Variants in ADGRL3 observed in about 807,000 individuals in gnomAD.
ADGRL3 encodes the protein adhesion G protein-coupled receptor L3.
ADGRL3 carries 62 observed loss-of-function variants against 153.5 expected under a neutral mutation model. The ratio of observed to expected loss-of-function variants is 0.40; its 90% confidence interval spans 0.33 to 0.50. The LOEUF is 0.50. ADGRL3 is among the 20% of genes least tolerant of loss of function. The pLI, the probability that ADGRL3 is intolerant of heterozygous loss-of-function variation, is 0.47. For synonymous variants in ADGRL3, 710 were observed against 672.5 expected (o/e 1.06, Z -0.86); for missense variants, 1,641 against 1,859.4 (o/e 0.88, Z 2.16).
At chr4:62,068,412 T>C (rs1744127320) in intron 26 of ADGRL3, among the ~76,000 whole-genome samples, 1 of 152,218 alleles carries the variant, frequency 6.6e-6, no homozygotes, top group South Asian at 2.1e-4. Flanking sequence ...TTTCATGTAA[T>C]GTTTGTGTGA....
chr4:61,822,028 C>A (rs541017060), intron 9 of ADGRL3, among the ~76,000 whole-genome samples: 2 of 152,266 alleles, frequency 1.3e-5, no homozygotes, highest in South Asian at 4.1e-4. Flanking sequence ...GAAGAGTCTG[C>A]AGGCCAGTTC....
chr4:61,203,269 G>C (rs984494436), intron 1 of ADGRL3, among the ~76,000 whole-genome samples: 1 of 152,184 alleles, frequency 6.6e-6, no homozygotes, highest in Non-Finnish European at 1.5e-5. Flanking sequence ...GGGAGAACTC[G>C]AGGCTTGCGA....
intron 9 of ADGRL3, among the ~76,000 whole-genome samples, chr4:61,867,324 C>G (rs746835152): frequency 4.0e-5 from 6 of 150,870 alleles, no homozygotes; most frequent in Non-Finnish European, 7.4e-5. Context: ...CATGGGGAAA[C>G]CCTGTCTCTA....
Position 61,894,840 on chromosome 4 carries a change from A to G in ADGRL3, c.1784-891A>G, listed in dbSNP as rs150653608. Among the ~76,000 whole-genome samples the G allele has an allele frequency of 1.2e-3, 178 of 152,278 alleles. 1 individual carries two copies. Among genetic ancestry groups the G allele is most frequent in the Non-Finnish European group, 1.9e-3 (131 of 68,028 alleles). On this transcript the variant is annotated intron_variant, in intron 10 of 26. Coordinates refer to ENST00000683033, the MANE Select transcript of ADGRL3 (RefSeq NM_001387552.1). ...ATGTTTCTGCCAGAGATATCATTCC[A>G]AAACTCAAATTTGCTCATCATCTAT...
chr4:61,276,970 A>G (rs1391021417), intron 1 of ADGRL3, among the ~76,000 whole-genome samples: 2 of 152,146 alleles, frequency 1.3e-5, no homozygotes, highest in African/African-American at 4.8e-5. Context: ...AGTCCTGTAC[A>G]AGCTTAAATT....
At chr4:61,886,345 T>G (rs1249699763) in intron 9 of ADGRL3, among the ~76,000 whole-genome samples, 1 of 152,194 alleles carries the variant, frequency 6.6e-6, no homozygotes, top group African/African-American at 2.4e-5. Flanking sequence ...TTCAGTTTTC[T>G]TATTTCCTTT....
chr4:61,528,404 C>T (rs2098588298), intron 4 of ADGRL3, among the ~76,000 whole-genome samples: 1 of 152,070 alleles, frequency 6.6e-6, no homozygotes, highest in African/African-American at 2.4e-5. Context: ...TCTCCTTGGA[C>T]TCTGTTTAAG....
chr4:61,382,916 A>T (rs2096687840), intron 1 of ADGRL3, among the ~76,000 whole-genome samples: 1 of 151,862 alleles, frequency 6.6e-6, no homozygotes, highest in Non-Finnish European at 1.5e-5. Flanking sequence ...AAACATTATA[A>T]TAAATTAGAT....
At chr4:61,902,053 A>G (rs1323234375) in intron 11 of ADGRL3, among the ~76,000 whole-genome samples, 1 of 152,212 alleles carries the variant, frequency 6.6e-6, no homozygotes, top group Non-Finnish European at 1.5e-5. Flanking sequence ...GTATATTTTT[A>G]TATGGAAATA....
At chr4:61,641,751 G>A (rs1020108813) in intron 5 of ADGRL3, among the ~76,000 whole-genome samples, 1 of 151,376 alleles carries the variant, frequency 6.6e-6, no homozygotes. Flanking sequence ...AAACATACGT[G>A]TGCATGTGTC....
intron 1 of ADGRL3, among the ~76,000 whole-genome samples, chr4:61,258,485 C>G (rs28562321): frequency 0.032 from 4,818 of 152,266 alleles, 260 homozygotes; most frequent in African/African-American, 0.11. Context: ...CTTCCTGATT[C>G]TTTCCTTTGT....
chr4:62,062,171 G>T (rs1320830194), intron 25 of ADGRL3, among the ~76,000 whole-genome samples: 2 of 151,770 alleles, frequency 1.3e-5, no homozygotes, highest in Non-Finnish European at 2.9e-5. Context: ...GTCTCATTGG[G>T]GTTTTAACCT....
chr4:61,326,819 A>C (rs992227407), intron 1 of ADGRL3, among the ~76,000 whole-genome samples: 23 of 152,086 alleles, frequency 1.5e-4, no homozygotes, highest in African/African-American at 4.1e-4. Context: ...ATTAATGGGA[A>C]TCTCTCAGCT....
intron 2 of ADGRL3, among the ~76,000 whole-genome samples, chr4:61,478,040 A>T (rs1038145798): frequency 2.6e-5 from 4 of 152,062 alleles, no homozygotes; most frequent in African/African-American, 9.7e-5. Context: ...CTCCATAAAA[A>T]TGTCTTAAAA....
In ADGRL3 at chr4:62,072,111, A is replaced by C. The variant is rs1458644345; in HGVS notation, c.*1203A>C. The C allele has an allele frequency of 6.5e-6, 1 of 154,408 alleles. No homozygotes were observed. The highest frequency in any genetic ancestry group is 1.4e-5 in the Non-Finnish European group (1 of 69,372). The allele number at this position is 154,408 out of a possible 1,614,324, so 9.6% of individuals were successfully genotyped here. ...GAAAAACGGTTTTCCATAGGCATTA[A>C]AGTGCTGAATGCTCAGTCTGATCAA... On this transcript the variant is annotated 3_prime_UTR_variant, in exon 27 of 27. Transcript: ENST00000683033.
At chr4:62,014,762 C>T (rs1389080171) in intron 21 of ADGRL3, among the ~76,000 whole-genome samples, 4 of 152,104 alleles carry the variant, frequency 2.6e-5, no homozygotes, top group Non-Finnish European at 5.9e-5. Context: ...ATTGAAGTTA[C>T]CACAGATGAT....
intron 1 of ADGRL3, among the ~76,000 whole-genome samples, chr4:61,360,340 T>C (rs2096264158): frequency 6.6e-6 from 1 of 152,116 alleles, no homozygotes; most frequent in South Asian, 2.1e-4. Context: ...AAAGATGATA[T>C]ATGAAAAATT....
At chr4:61,355,538 G>A (rs796515622) in intron 1 of ADGRL3, among the ~76,000 whole-genome samples, 8 of 152,126 alleles carry the variant, frequency 5.3e-5, no homozygotes, top group African/African-American at 1.9e-4. Flanking sequence ...ATGGAAACCT[G>A]CACTTTACCT....
chr4:61,406,002 A>G (rs1417232469), intron 2 of ADGRL3, among the ~76,000 whole-genome samples: 1 of 152,016 alleles, frequency 6.6e-6, no homozygotes, highest in Non-Finnish European at 1.5e-5. Context: ...CCAGGAATAA[A>G]CAAACTTCAA....
Sources: allele counts gnomAD v4.1 joint callset (sites outside exome capture counted in the v4.1 genomes callset), GRCh38; gene constraint gnomAD v4.1.1; transcripts MANE v1.5; gene names NCBI Gene and HGNC (gene_info 2026-07-23, HGNC 2026-07-21).